Variants in KNL1 observed in about 807,000 individuals in gnomAD.
KNL1 encodes kinetochore scaffold 1.
A neutral mutation model predicts 201.3 loss-of-function variants in KNL1; 66 were observed. The ratio of observed to expected loss-of-function variants is 0.33; its 90% CI spans 0.27 to 0.40. KNL1 has a LOEUF of 0.40. Among genes scored for constraint, KNL1 ranks in the 10% least tolerant of loss-of-function variants. The probability of loss-of-function intolerance (pLI) is 1.00; values close to 1 mark genes in which losing one functional copy is unlikely to be tolerated. For missense variants in KNL1, 2,815 were observed against 2,690.5 expected, an observed-to-expected ratio of 1.05 and a Z score of -1.02; for synonymous variants, 895 against 899.2, an observed-to-expected ratio of 1.00 and a Z score of 0.08.
chr15:40,614,493 A>G (rs1294340484), intron 7 of KNL1, among the ~76,000 whole-genome samples: 2 of 152,194 alleles, frequency 1.3e-5, no homozygotes, highest in South Asian at 2.1e-4. Flanking sequence ...TTGGCCTCCC[A>G]AAGTGATGGG....
chr15:40,604,140 C>T (rs1891899407), intron 2 of KNL1, among the ~76,000 whole-genome samples: 1 of 151,980 alleles, frequency 6.6e-6, no homozygotes, highest in South Asian at 2.1e-4. Flanking sequence ...TCATCATCAT[C>T]ATCATCATCA....
At chr15:40,601,557 C>T (rs761033368) in intron 1 of KNL1, among the ~76,000 whole-genome samples, 65 of 152,060 alleles carry the variant, frequency 4.3e-4, no homozygotes, top group Admixed American at 6.6e-4. Flanking sequence ...ATGGGCCAGG[C>T]GGGGTGGCTC....
At position 40,621,400 on chromosome 15, in the gene KNL1, C is replaced by T. The variant is rs544555722; in HGVS notation, c.1136C>T (p.Ser379Phe). ...GCTTTTCAAGACCTTTCCATAAACT[C>T]TGCAGACAAAATACATATTACCAGA... ...NTAFQDLSIN[S>F]ADKIHITRSH... is the part of the protein sequence containing the mutation. The change falls in exon 10 of 26, where the codon TCT becomes TTT. Residue 379 changes from serine (S) to phenylalanine (F), a missense_variant. Physicochemically the swap from Ser to Phe is radical, Grantham distance 155. Around this residue, in one of 3 missense-constraint regions of KNL1, gnomAD observed 2,464 missense variants for 2,291.7 expected, o/e 1.08. Coordinates refer to ENST00000399668, the MANE Select transcript of KNL1 (RefSeq NM_144508.5). The T allele has an allele frequency of 1.9e-6, 3 of 1,612,468 alleles. No homozygotes were observed. Among genetic ancestry groups the T allele is most frequent in the African/African-American group, 2.7e-5 (2 of 74,938 alleles).
chr15:40,659,295 C>T, intron 24 of KNL1, 44 bp from the exon 25 acceptor site: 1 of 1,305,304 alleles, frequency 7.7e-7, no homozygotes, highest in South Asian at 1.2e-5. Flanking sequence ...GTGTTTCATG[C>T]TATTATTTGT....
chr15:40,635,356 T>G (rs1442582600), intron 13 of KNL1, among the ~76,000 whole-genome samples: 1 of 150,924 alleles, frequency 6.6e-6, no homozygotes, highest in East Asian at 2.0e-4. Flanking sequence ...CCGGCCTGTT[T>G]CAGGATTTGT....
chr15:40,620,555 G>A lies in KNL1; in HGVS notation c.376-85G>A. 6.4e-6 allele frequency: 5 copies of A among 775,870 alleles called. No individual in the cohort carries two copies. In the South Asian group the frequency reaches 1.2e-4, roughly 18 times the overall value. The allele number at this position is 775,870 out of a possible 1,614,324, so 48.1% of individuals were successfully genotyped here. On this transcript the variant is annotated intron_variant, in intron 9 of 25. Transcript: ENST00000399668. Reference sequence around the variant, plus strand: ...CAACGTGTTATGAAACCATCACTGAGGATTTTTTATATAATACATGTTGTA... The same window carrying A: ...CAACGTGTTATGAAACCATCACTGAAGATTTTTTATATAATACATGTTGTA...
At chr15:40,646,249 C>A (rs1038881451) in intron 16 of KNL1, among the ~76,000 whole-genome samples, 4 of 152,062 alleles carry the variant, frequency 2.6e-5, no homozygotes, top group Non-Finnish European at 4.4e-5. Flanking sequence ...TTTTTAAAGT[C>A]TAAGCATAAA....
In KNL1 at chr15:40,662,608, G is replaced by A. The variant is rs1893941926; in HGVS notation, c.*420G>A. On this transcript the variant is annotated 3_prime_UTR_variant, in exon 26 of 26. Coordinates refer to ENST00000399668, the MANE Select transcript of KNL1 (RefSeq NM_144508.5). ...CTTCTGCCTAGCAGATATTTCTGGA[G>A]TAGAAATGTATCTGTCTACAAACTA... is the stretch of plus-strand genomic sequence containing the variant. The A allele has an allele frequency of 4.8e-6, 1 of 206,682 alleles. No individual in the cohort carries two copies. Among genetic ancestry groups the A allele is most frequent in the Admixed American group, 5.9e-5 (1 of 16,888 alleles). 12.8% of individuals were successfully genotyped at this position (206,682 alleles called of 1,614,324 possible).
chr15:40,630,442 T>C (rs1567013459), intron 13 of KNL1, among the ~76,000 whole-genome samples: 1 of 152,132 alleles, frequency 6.6e-6, no homozygotes, highest in East Asian at 1.9e-4. Context: ...AAACACAATA[T>C]CTTGTAGATG....
Position 40,623,634 on chromosome 15 carries a change from G to C in KNL1, c.3370G>C (p.Asp1124His), listed in dbSNP as rs769860986. ...SKTILYSCGQ[D>H]DMEITRSHTT... is the part of the protein sequence containing the mutation. ...AACTATTTTGTATTCATGTGGGCAG[G>C]ATGACATGGAGATCACTAGGAGTCA... The change falls in exon 10 of 26, where the codon GAT becomes CAT. Residue 1124 changes from aspartate to histidine, a missense_variant. By Grantham distance (81) the Asp-to-His change is moderately conservative. Coordinates refer to ENST00000399668, the MANE Select transcript of KNL1 (RefSeq NM_144508.5). The C allele has an allele frequency of 6.2e-6, 10 of 1,613,794 alleles. No homozygotes were observed. The highest frequency in any genetic ancestry group is 8.5e-6 in the Non-Finnish European group (10 of 1,179,886).
intron 1 of KNL1, among the ~76,000 whole-genome samples, chr15:40,599,785 A>C (rs1434801911): frequency 8.4e-6 from 1 of 118,954 alleles, no homozygotes; most frequent in African/African-American, 3.2e-5. Flanking sequence ...TAAACCGATT[A>C]TGTATTCCTT....
chr15:40,638,256 G>T (rs1394907299), intron 13 of KNL1, among the ~76,000 whole-genome samples: 1 of 42,166 alleles, frequency 2.4e-5, no homozygotes, highest in African/African-American at 7.8e-5. Flanking sequence ...AGGGAGGGGG[G>T]AGGGGGAGGG....
rs776587767 is a variant in KNL1 at position 40,641,009 on chromosome 15, G to A, written c.5780G>A (p.Arg1927His). ...ATTTATAGAGAAGATTGTGAGGCTC[G>A]TCGCCAAAAGATTGAAGAGTATGAA... is the stretch of plus-strand genomic sequence containing the variant. The part of the protein sequence containing the change: ...IQIYREDCEA[R>H]RQKIEELKLS... Residue 1927 changes from arginine to histidine, a missense_variant, in exon 14 of 26, where the codon CGT becomes CAT. This residue lies in a region of KNL1 where 2,464 missense variants were observed against 2,291.7 expected (regional missense o/e 1.08). Coordinates refer to ENST00000399668, the MANE Select transcript of KNL1 (RefSeq NM_144508.5). 80 of 1,608,642 alleles carry A rather than the reference G, an allele frequency of 5.0e-5. No homozygotes were observed. The highest frequency in any genetic ancestry group is 8.9e-5 in the East Asian group (4 of 44,810).
chr15:40,613,987 A>C lies in KNL1; in HGVS notation c.285-1354A>C, dbSNP rs565305720. Reference sequence around the variant, plus strand: ...TCATTTTTTTGTATTTTTAGTAGAGACAGGGTTTCACTGTGTTAGCCAGGA... The same window carrying C: ...TCATTTTTTTGTATTTTTAGTAGAGCCAGGGTTTCACTGTGTTAGCCAGGA... On this transcript the variant is annotated intron_variant, in intron 7 of 25. Transcript: ENST00000399668. 6.0e-5 allele frequency among the ~76,000 whole-genome samples: 9 copies of C among 149,250 alleles called. No homozygotes were observed. The South Asian group carries it at 1.9e-3, about 32-fold the overall frequency.
chr15:40,601,659 A>C (rs1407996588), intron 1 of KNL1, among the ~76,000 whole-genome samples: 1 of 151,566 alleles, frequency 6.6e-6, no homozygotes, highest in East Asian at 2.0e-4. Context: ...CTCTACTAAA[A>C]ATACAAAAAA....
intron 17 of KNL1, chr15:40,650,065 A>G (rs1225531281): frequency 5.7e-6 from 2 of 353,620 alleles, no homozygotes; most frequent in Non-Finnish European, 1.0e-5. Context: ...GACCATGAGT[A>G]CATGAATTCC....
At chr15:40,599,236 C>G (rs1253918956) in intron 1 of KNL1, among the ~76,000 whole-genome samples, 1 of 150,866 alleles carries the variant, frequency 6.6e-6, no homozygotes, top group Non-Finnish European at 1.5e-5. Context: ...AGGCATGAAC[C>G]CGGGAGGCAG....
intron 23 of KNL1, 95 bp downstream of exon 23, chr15:40,657,246 A>C (rs1315288436): frequency 2.0e-6 from 2 of 1,011,030 alleles, no homozygotes; most frequent in Non-Finnish European, 3.1e-6. Context: ...GGATCCTGAA[A>C]TGATAAATGT....
Position 40,654,930 on chromosome 15 carries a change from A to G in KNL1, c.6437A>G (p.Lys2146Arg). The change falls in exon 22 of 26, where the codon AAG becomes AGG. Residue 2146 changes from lysine to arginine, a missense_variant. Physicochemically the swap from Lys to Arg is conservative, Grantham distance 26. Coordinates refer to ENST00000399668, the MANE Select transcript of KNL1 (RefSeq NM_144508.5). Reference protein sequence around the residue: ...ESVVGFPFLDKRYRKIVDVNF... With the variant: ...ESVVGFPFLDRRYRKIVDVNF... ...CTAGTTGGTTTCCCTTTCCTGGACA[A>G]GCGTTATAGGAAGATTGTTGATGTC... The G allele has an allele frequency of 3.1e-6, 5 of 1,612,886 alleles. No individual in the cohort carries two copies. The highest frequency in any genetic ancestry group is 4.2e-6 in the Non-Finnish European group (5 of 1,179,542).
Sources: gnomAD v4.1 joint callset for allele counts (sites outside exome capture counted in the v4.1 genomes callset) on GRCh38, gnomAD v4.1.1 for gene constraint, gnomAD v4.1.1 regional missense constraint, MANE v1.5 for transcripts, NCBI Gene and HGNC (gene_info 2026-07-23, HGNC 2026-07-21) for gene names.